The following NCKAP5 variants were observed in gnomAD, a reference collection of about 807,000 sequenced individuals.
The protein encoded by NCKAP5 is NCK associated protein 5, also known as nck-associated protein 5.
In NCKAP5, 92 loss-of-function variants were observed where a neutral mutation model predicts 167.0. That is an observed-to-expected ratio of 0.55 (90% confidence interval 0.47 to 0.66). NCKAP5 has a LOEUF of 0.66. Ranked by LOEUF, NCKAP5 falls within the 30% of genes least tolerant of loss-of-function variation. NCKAP5 has a pLI of 0.00. For missense variants in NCKAP5, 2,378 were observed against 2,315.0 expected (o/e 1.03, Z -0.56); for synonymous variants, 891 against 877.4 (o/e 1.02, Z -0.27).
intron 5 of NCKAP5, among the ~76,000 whole-genome samples, chr2:133,196,050 G>C (rs1574342850): frequency 6.6e-6 from 1 of 152,086 alleles, no homozygotes; most frequent in African/African-American, 2.4e-5. Context: ...AGAAGAGAAG[G>C]CTGCCATTAA....
intron 4 of NCKAP5, among the ~76,000 whole-genome samples, chr2:133,263,144 T>C (rs1299753459): frequency 1.3e-5 from 2 of 152,216 alleles, no homozygotes; most frequent in East Asian, 3.8e-4. Flanking sequence ...TTGTTTGCAT[T>C]ATGTGCTTTT....
chr2:133,646,032 G>T, the NCKAP5 span, among the ~76,000 whole-genome samples: 1 of 151,822 alleles, frequency 6.6e-6, no homozygotes, highest in African/African-American at 2.4e-5. Context: ...AAATAATAAT[G>T]ATTGATTATA....
rs563303646 is a variant in NCKAP5 at position 133,347,202 on chromosome 2, A to T, written c.70-44092T>A. 2.0e-5 allele frequency among the ~76,000 whole-genome samples: 3 copies of T among 152,296 alleles called. No individual in the cohort carries two copies. In the East Asian group the frequency reaches 5.8e-4, roughly 29 times the overall value. ...TTTATTCTTTTTGGTGCTTTTCTCA[A>T]CTTTCTACTATAAGGTCATAAAACT... is the stretch of plus-strand genomic sequence containing the variant. On this transcript the variant is annotated intron_variant, in intron 3 of 19. Transcript: ENST00000409261.
chr2:133,502,549 A>G (rs575957130), intron 3 of NCKAP5, among the ~76,000 whole-genome samples: 2 of 152,294 alleles, frequency 1.3e-5, no homozygotes, highest in East Asian at 3.9e-4. Context: ...AAATCTATTC[A>G]GTCTTCTACC....
At chr2:133,463,989 T>C (rs933092510) in intron 3 of NCKAP5, among the ~76,000 whole-genome samples, 12 of 152,190 alleles carry the variant, frequency 7.9e-5, no homozygotes, top group Non-Finnish European at 1.5e-4. Flanking sequence ...GAGCATCCCA[T>C]TGGACCAAGC....
chr2:133,104,935 G>C lies in NCKAP5; in HGVS notation c.341+25043C>G, dbSNP rs572528646. Among the ~76,000 whole-genome samples the C allele has an allele frequency of 5.3e-5, 8 of 152,260 alleles. No homozygotes were observed. The South Asian group carries it at 1.7e-3, about 32-fold the overall frequency. ...TTTTGCTATTAACCTTCCTTGTGAA[G>C]GCTGAAGCAAAGGAGCTATTAAGGA... is the stretch of plus-strand genomic sequence containing the variant. On this transcript the variant is annotated intron_variant, in intron 6 of 19. Coordinates refer to ENST00000409261, the MANE Select transcript of NCKAP5 (RefSeq NM_207363.3).
the NCKAP5 span, among the ~76,000 whole-genome samples, chr2:133,622,019 A>G: frequency 1.3e-5 from 2 of 152,170 alleles, no homozygotes; most frequent in African/African-American, 4.8e-5. Context: ...CATAAACATA[A>G]TTAAAAACAA....
At chr2:133,043,731 G>C (rs777553888) in intron 6 of NCKAP5, among the ~76,000 whole-genome samples, 2 of 152,130 alleles carry the variant, frequency 1.3e-5, no homozygotes, top group Non-Finnish European at 2.9e-5. Context: ...GACTAAGTAC[G>C]TAATAAATGC....
At chr2:132,814,019 CTGGTTTT>C (rs1450085801) in intron 11 of NCKAP5, among the ~76,000 whole-genome samples, 3 of 152,196 alleles carry the variant, frequency 2.0e-5, no homozygotes, top group Non-Finnish European at 2.9e-5. Flanking sequence ...GCTCAATGTC[CTGGTTTT>C]ACTAGGACAA....
chr2:133,164,138 C>T (rs1029130032), intron 5 of NCKAP5, among the ~76,000 whole-genome samples: 6 of 152,158 alleles, frequency 3.9e-5, no homozygotes, highest in African/African-American at 1.2e-4. Context: ...TGTACAGGTC[C>T]ATGCTATGCA....
intron 3 of NCKAP5, among the ~76,000 whole-genome samples, chr2:133,412,040 G>T (rs1294558988): frequency 6.6e-6 from 1 of 152,088 alleles, no homozygotes; most frequent in Non-Finnish European, 1.5e-5. Flanking sequence ...CTGCCCTGCA[G>T]CCCCCTGATG....
At chr2:132,776,470 G>A (rs1205868931) in intron 15 of NCKAP5, among the ~76,000 whole-genome samples, 2 of 152,190 alleles carry the variant, frequency 1.3e-5, no homozygotes, top group Non-Finnish European at 2.9e-5. Flanking sequence ...GGCCTCTGGG[G>A]ACTTATGAGA....
At chr2:133,377,963 G>A (rs183562945) in intron 3 of NCKAP5, among the ~76,000 whole-genome samples, 2 of 152,184 alleles carry the variant, frequency 1.3e-5, no homozygotes, top group African/African-American at 4.8e-5. Context: ...CCAAACAGTG[G>A]CAGTCACAAG....
chr2:132,798,647 C>T (rs1006569030), intron 11 of NCKAP5, among the ~76,000 whole-genome samples: 1 of 152,200 alleles, frequency 6.6e-6, no homozygotes, highest in Non-Finnish European at 1.5e-5. Context: ...AACCTGCCCT[C>T]CTCAAGGCTG....
intron 3 of NCKAP5, among the ~76,000 whole-genome samples, chr2:133,492,679 T>C (rs1286698105): frequency 6.6e-6 from 1 of 152,266 alleles, no homozygotes; most frequent in African/African-American, 2.4e-5. Flanking sequence ...GTTAGATATA[T>C]AACCTGTGAG....
the NCKAP5 span, among the ~76,000 whole-genome samples, chr2:133,601,505 G>A: frequency 1.6e-4 from 24 of 152,202 alleles, no homozygotes; most frequent in African/African-American, 5.3e-4. Context: ...CAAGGTGGGC[G>A]GATCACCTGA....
chr2:133,261,824 G>T (rs1427562027), intron 4 of NCKAP5, among the ~76,000 whole-genome samples: 1 of 152,156 alleles, frequency 6.6e-6, no homozygotes, highest in Admixed American at 6.5e-5. Flanking sequence ...ATAACCCAGA[G>T]ACTTAGGTTA....
intron 6 of NCKAP5, among the ~76,000 whole-genome samples, chr2:133,023,442 A>AT (rs1393905577): frequency 6.6e-6 from 1 of 151,770 alleles, no homozygotes; most frequent in Non-Finnish European, 1.5e-5. Flanking sequence ...ATCTTTATTG[A>AT]TTTTTTATAA....
At chr2:133,505,521 T>C (rs1024459810) in intron 3 of NCKAP5, among the ~76,000 whole-genome samples, 15 of 152,288 alleles carry the variant, frequency 9.8e-5, no homozygotes, top group African/African-American at 2.6e-4. Flanking sequence ...CCAGGCATGG[T>C]ACTGCATGCC....
Sources: gnomAD v4.1 joint callset for allele counts (sites outside exome capture counted in the v4.1 genomes callset) on GRCh38, gnomAD v4.1.1 for gene constraint, MANE v1.5 for transcripts, NCBI Gene and HGNC (gene_info 2026-07-23, HGNC 2026-07-21) for gene names.